LPP: variants seen among roughly 807,000 people sequenced by gnomAD.
LPP encodes LIM domain containing preferred translocation partner in lipoma.
Under a neutral mutation model 60.4 loss-of-function variants are expected in LPP, and 38 were observed. That is an observed-to-expected ratio of 0.63 (90% CI 0.49 to 0.83). The LOEUF is 0.83. LPP is among the 40% of genes least tolerant of loss of function. The pLI is 0.00. For synonymous variants in LPP, 328 were observed against 290.8 expected, an observed-to-expected ratio of 1.13 and a Z score of -1.30; for missense variants, 902 against 783.6, an observed-to-expected ratio of 1.15 and a Z score of -1.80.
At chr3:188,206,717 T>C (rs1214207561) in intron 1 of LPP, among the ~76,000 whole-genome samples, 1 of 152,190 alleles carries the variant, frequency 6.6e-6, no homozygotes, top group Non-Finnish European at 1.5e-5. Flanking sequence ...GGGAGTACAG[T>C]CTAGAATTGC....
At chr3:188,159,312 G>C (rs370828594) in intron 1 of LPP, among the ~76,000 whole-genome samples, 36 of 152,280 alleles carry the variant, frequency 2.4e-4, no homozygotes, top group African/African-American at 8.4e-4. Context: ...ACCTACCTGA[G>C]TCAGATGGGT....
In LPP at chr3:188,546,858, G is replaced by A. The variant is rs766393331; in HGVS notation, c.429+22071G>A. ...AGTTATTAAAATTTACTTATTTATT[G>A]TAAACTTCATCAAACCAACAATTGT... On this transcript the variant is annotated intron_variant, in intron 6 of 11. Transcript: ENST00000617246. 2.2e-4 allele frequency among the ~76,000 whole-genome samples: 34 copies of A among 152,114 alleles called. 1 individual carries two copies. The highest frequency in any genetic ancestry group is 4.4e-4 in the Non-Finnish European group (30 of 68,020).
intron 2 of LPP, among the ~76,000 whole-genome samples, chr3:188,269,304 T>G (rs1736774684): frequency 6.6e-6 from 1 of 151,932 alleles, no homozygotes; most frequent in African/African-American, 2.4e-5. Context: ...TTGGGCAAGT[T>G]GTTTCTATTT....
At chr3:188,330,569 T>C (rs1759737945) in intron 2 of LPP, among the ~76,000 whole-genome samples, 3 of 152,168 alleles carry the variant, frequency 2.0e-5, no homozygotes, top group Admixed American at 2.0e-4. Context: ...CCCTTCTGAA[T>C]GAGCTCTTCC....
chr3:188,325,497 C>G (rs1479830057), intron 2 of LPP, among the ~76,000 whole-genome samples: 2 of 152,172 alleles, frequency 1.3e-5, no homozygotes, highest in African/African-American at 2.4e-5. Context: ...ACATACCCCC[C>G]TCCCCATCAT....
intron 2 of LPP, among the ~76,000 whole-genome samples, chr3:188,330,575 C>T (rs1184738508): frequency 1.3e-5 from 2 of 152,134 alleles, no homozygotes; most frequent in Non-Finnish European, 2.9e-5. Flanking sequence ...TGAATGAGCT[C>T]TTCCTCAATC....
chr3:188,577,035 C>A (rs1403248372), intron 6 of LPP, among the ~76,000 whole-genome samples: 1 of 152,132 alleles, frequency 6.6e-6, no homozygotes, highest in Non-Finnish European at 1.5e-5. Flanking sequence ...ATCATACAGA[C>A]GTGTTGTGTA....
intron 7 of LPP, among the ~76,000 whole-genome samples, chr3:188,678,700 T>C (rs1858699534): frequency 6.6e-6 from 1 of 152,190 alleles, no homozygotes; most frequent in African/African-American, 2.4e-5. Flanking sequence ...GCACCCTCAA[T>C]GGCCCATTCG....
At chr3:188,796,620 G>A (rs1042331071) in intron 9 of LPP, among the ~76,000 whole-genome samples, 5 of 152,208 alleles carry the variant, frequency 3.3e-5, no homozygotes, top group African/African-American at 9.6e-5. Context: ...AGATGAGCAC[G>A]AAGAAACCAT....
chr3:188,544,243 G>T (rs1217497368), intron 6 of LPP, among the ~76,000 whole-genome samples: 1 of 152,126 alleles, frequency 6.6e-6, no homozygotes, highest in Admixed American at 6.5e-5. Context: ...AATGAATATA[G>T]CTCTGGATTT....
At chr3:188,602,180 A>G (rs1047948325) in intron 6 of LPP, among the ~76,000 whole-genome samples, 2 of 134,766 alleles carry the variant, frequency 1.5e-5, no homozygotes, top group African/African-American at 5.3e-5. Flanking sequence ...TATATATTAT[A>G]TATATATATG....
rs1369103732 is a variant in LPP at position 188,885,879 on chromosome 3, CTGA to C, written c.*11403_*11405del. The C allele has an allele frequency of 6.6e-6, 1 of 152,162 alleles. No individual in the cohort carries two copies. The highest frequency in any genetic ancestry group is 1.5e-5 in the Non-Finnish European group (1 of 68,036). 9.4% of individuals were successfully genotyped at this position (152,162 alleles called of 1,614,324 possible). ...CATAGTGGTTTTGATTTGCATTTCT[CTGA>C]TGGCCAGTGATGGTGAGCATTTTTT... On this transcript the variant is annotated 3_prime_UTR_variant, in exon 12 of 12. Transcript: ENST00000617246.
At chr3:188,846,683 CAAAA>C (rs34230552) in intron 9 of LPP, among the ~76,000 whole-genome samples, 2 of 84,614 alleles carry the variant, frequency 2.4e-5, no homozygotes, top group African/African-American at 4.7e-5. Context: ...GATTCCATCT[CAAAA>C]AAAAAAAAAA....
Position 188,880,388 on chromosome 3 carries a change from A to C in LPP, c.*5909A>C. On this transcript the variant is annotated 3_prime_UTR_variant, in exon 12 of 12. Coordinates refer to ENST00000617246, the MANE Select transcript of LPP (RefSeq NM_001375462.1). ...TTCAAAGTTACAAAAAAAAGTGCTA[A>C]TTTTTGCTGTTAAATTCTGGTTGTT... The C allele has an allele frequency of 5.4e-6, 1 of 186,236 alleles. No individual in the cohort carries two copies. Among genetic ancestry groups the C allele is most frequent in the Non-Finnish European group, 1.1e-5 (1 of 88,030 alleles). 11.5% of individuals were successfully genotyped at this position (186,236 alleles called of 1,614,324 possible).
intron 2 of LPP, among the ~76,000 whole-genome samples, chr3:188,226,314 T>C (rs758638047): frequency 2.6e-5 from 4 of 152,148 alleles, no homozygotes; most frequent in Non-Finnish European, 5.9e-5. Context: ...CAGCCTCATT[T>C]TATTTCTATA....
At chr3:188,735,262 C>T (rs561362048) in intron 8 of LPP, among the ~76,000 whole-genome samples, 1 of 151,894 alleles carries the variant, frequency 6.6e-6, no homozygotes, top group Non-Finnish European at 1.5e-5. Flanking sequence ...TCAACAATAG[C>T]TTTATTATAG....
intron 2 of LPP, among the ~76,000 whole-genome samples, chr3:188,265,356 G>A (rs1735120011): frequency 6.6e-6 from 1 of 152,196 alleles, no homozygotes; most frequent in Non-Finnish European, 1.5e-5. Context: ...TAGTGAAAGA[G>A]GACCCCTGTC....
intron 7 of LPP, among the ~76,000 whole-genome samples, chr3:188,616,901 A>G (rs1465586820): frequency 6.6e-6 from 1 of 152,176 alleles, no homozygotes; most frequent in Non-Finnish European, 1.5e-5. Context: ...TAGCATATAG[A>G]AATAGCAATA....
At chr3:188,273,915 T>G (rs1263497799) in intron 2 of LPP, among the ~76,000 whole-genome samples, 1 of 152,112 alleles carries the variant, frequency 6.6e-6, no homozygotes, top group Admixed American at 6.6e-5. Flanking sequence ...TATCTTATAG[T>G]AAAGGATGGT....
Sources: gnomAD v4.1 joint callset for allele counts (sites outside exome capture counted in the v4.1 genomes callset) on GRCh38, gnomAD v4.1.1 for gene constraint, MANE v1.5 for transcripts, NCBI Gene and HGNC (gene_info 2026-07-23, HGNC 2026-07-21) for gene names.